Variants in MYO5B observed in about 807,000 individuals in gnomAD.
The protein encoded by MYO5B is unconventional myosin-Vb.
In MYO5B, 143 loss-of-function variants were observed where a neutral mutation model predicts 229.3. The ratio of observed to expected loss-of-function variants is 0.62; its 90% CI spans 0.54 to 0.72. MYO5B has a LOEUF of 0.72. Among genes scored for constraint, MYO5B ranks in the 30% least tolerant of loss-of-function variants. The probability of loss-of-function intolerance (pLI) is 0.00; values close to 1 mark genes in which losing one functional copy is unlikely to be tolerated. For missense variants in MYO5B, 2,321 were observed against 2,331.0 expected (o/e 1.00, Z 0.09); for synonymous variants, 918 against 885.2 (o/e 1.04, Z -0.66).
chr18:50,067,573 A>T (rs1261452738), intron 1 of MYO5B, among the ~76,000 whole-genome samples: 1 of 152,152 alleles, frequency 6.6e-6, no homozygotes, highest in East Asian at 1.9e-4. Flanking sequence ...CCCCTGATGA[A>T]TAGATTAATG....
At chr18:50,141,582 T>A (rs1032970708) in intron 1 of MYO5B, among the ~76,000 whole-genome samples, 2 of 152,216 alleles carry the variant, frequency 1.3e-5, no homozygotes, top group African/African-American at 4.8e-5. Flanking sequence ...CTGCCCTGCA[T>A]CAATCTTTCT....
intron 4 of MYO5B, among the ~76,000 whole-genome samples, chr18:50,023,174 T>C (rs780052795): frequency 2.7e-5 from 4 of 150,834 alleles, no homozygotes; most frequent in Middle Eastern, 3.5e-3. Context: ...TTTACTACCA[T>C]GACAGTAAAG....
chr18:49,982,870 C>A (rs2025830917), intron 8 of MYO5B, among the ~76,000 whole-genome samples: 2 of 152,130 alleles, frequency 1.3e-5, no homozygotes, highest in Non-Finnish European at 2.9e-5. Flanking sequence ...TTTACAAAAG[C>A]AATTTGCTTT....
chr18:49,972,801 G>A (rs181374443), intron 10 of MYO5B, among the ~76,000 whole-genome samples: 26 of 152,162 alleles, frequency 1.7e-4, no homozygotes, highest in Admixed American at 1.2e-3. Flanking sequence ...GCAAGCACTC[G>A]ATGGACCAGA....
In MYO5B at chr18:49,853,676, G is replaced by A. The variant is rs377460628; in HGVS notation, c.4023-29C>T. The A allele has an allele frequency of 1.8e-4, 281 of 1,602,826 alleles. 1 individual carries two copies. The East Asian group carries it at 2.3e-3, about 13-fold the overall frequency. ...TGCCAGGGAGAGGACAGGTGAGCAC[G>A]TGGCCCAGGCCAGGGCCCCCATCTG... On this transcript the variant is annotated intron_variant, in intron 30 of 39. Coordinates refer to ENST00000285039, the MANE Select transcript of MYO5B (RefSeq NM_001080467.3).
At chr18:50,073,638 T>G (rs2031010784) in intron 1 of MYO5B, among the ~76,000 whole-genome samples, 2 of 152,118 alleles carry the variant, frequency 1.3e-5, no homozygotes, top group South Asian at 4.1e-4. Context: ...ACTTTCCCAC[T>G]GAGATCTCAA....
At chr18:49,861,464 T>C (rs967906463) in intron 29 of MYO5B, among the ~76,000 whole-genome samples, 8 of 152,240 alleles carry the variant, frequency 5.3e-5, no homozygotes, top group African/African-American at 1.9e-4. Flanking sequence ...CTTTTTCTTA[T>C]TCATCTCATT....
chr18:49,851,139 C>T (rs2024195903), intron 31 of MYO5B: 1 of 152,180 alleles, frequency 6.6e-6, no homozygotes, highest in Non-Finnish European at 1.5e-5. Flanking sequence ...TCTTATACAC[C>T]AGATGCTTCA....
At chr18:50,145,755 A>C (rs532699389) in intron 1 of MYO5B, among the ~76,000 whole-genome samples, 8 of 152,294 alleles carry the variant, frequency 5.3e-5, no homozygotes, top group African/African-American at 1.9e-4. Flanking sequence ...CTGTCCCAGA[A>C]AAGATTTCTG....
intron 35 of MYO5B, 125 bp downstream of exon 35, chr18:49,841,240 C>T: frequency 1.1e-6 from 1 of 871,040 alleles, no homozygotes. Flanking sequence ...ATAAGGTGTG[C>T]CCACGGTCTG....
Position 49,843,388 on chromosome 18 carries a change from C to G in MYO5B, c.4464G>C (p.Leu1488Phe), listed in dbSNP as rs2276170. 3 of 1,613,922 alleles carry G rather than the reference C, an allele frequency of 1.9e-6. No homozygotes were observed. In the African/African-American group the frequency reaches 4.0e-5, roughly 22 times the overall value. The change falls in exon 34 of 40, where the codon TTG (leucine) becomes TTC (phenylalanine). Residue 1488 changes from leucine to phenylalanine, a missense_variant. Coordinates refer to ENST00000285039, the MANE Select transcript of MYO5B (RefSeq NM_001080467.3). ...CTGTGCCCGACAGCATCTGGGGCTT[C>G]AAGTCTAAGGGCAACGAGAGCAGCA... ...ALLIRNLVTD[L>F]KPQMLSGTVP...
At chr18:50,000,555 AAG>A (rs2026035140) in intron 5 of MYO5B, among the ~76,000 whole-genome samples, 1 of 152,192 alleles carries the variant, frequency 6.6e-6, no homozygotes. Context: ...AAGGGGGAAA[AAG>A]AGACAGCATT....
intron 1 of MYO5B, among the ~76,000 whole-genome samples, chr18:50,132,296 TC>T (rs1205196460): frequency 1.3e-5 from 2 of 152,232 alleles, no homozygotes; most frequent in African/African-American, 4.8e-5. Context: ...AGTGCTCAAA[TC>T]TTGGTGCAGC....
At position 49,841,403 on chromosome 18, in the gene MYO5B, G is replaced by C; in HGVS notation, c.4663C>G (p.Arg1555Gly). 1 of 1,614,210 alleles carries C rather than the reference G, an allele frequency of 6.2e-7. No homozygotes were observed. The highest frequency in any genetic ancestry group is 8.5e-7 in the Non-Finnish European group (1 of 1,180,038). ...TACTGCTTCAGACAGTGAAGAAGGC[G>C]GCAGGTGTTGGATAACCAGAATGAC... The part of the protein sequence containing the change: ...MTSFWLSNTC[R>G]LLHCLKQYSG... Residue 1555 changes from arginine (R) to glycine (G), a missense_variant, in exon 35 of 40, where the codon CGC becomes GGC. Arg to Gly is a moderately radical substitution (Grantham distance 125, BLOSUM62 -2). Coordinates refer to ENST00000285039, the MANE Select transcript of MYO5B (RefSeq NM_001080467.3).
intron 1 of MYO5B, among the ~76,000 whole-genome samples, chr18:50,056,432 T>C (rs920585309): frequency 6.6e-6 from 1 of 152,216 alleles, no homozygotes; most frequent in Non-Finnish European, 1.5e-5. Flanking sequence ...ACTGCACAGC[T>C]GTCAGAACAA....
intron 39 of MYO5B, among the ~76,000 whole-genome samples, chr18:49,828,484 T>C (rs1213247850): frequency 1.3e-5 from 2 of 152,184 alleles, no homozygotes; most frequent in South Asian, 2.1e-4. Context: ...ACAGTAATGG[T>C]TGGACATTTC....
chr18:49,973,645 T>G (rs151117720), intron 10 of MYO5B, among the ~76,000 whole-genome samples: 1 of 152,184 alleles, frequency 6.6e-6, no homozygotes, highest in Non-Finnish European at 1.5e-5. Flanking sequence ...AGGGAGACTG[T>G]GGCTCAAAAC....
intron 1 of MYO5B, among the ~76,000 whole-genome samples, chr18:50,100,803 C>T (rs539325599): frequency 9.9e-5 from 15 of 152,166 alleles, no homozygotes; most frequent in Non-Finnish European, 1.9e-4. Context: ...AAGGAACAAT[C>T]AATCAGAGCA....
At position 50,149,606 on chromosome 18, in the gene MYO5B, T is replaced by C. The variant is rs1300659144; in HGVS notation, c.27+45161A>G. Among the ~76,000 whole-genome samples, 571 of 149,330 alleles carry C rather than the reference T, an allele frequency of 3.8e-3. 5 individuals carry two copies. The highest frequency in any genetic ancestry group is 0.013 in the African/African-American group (545 of 40,926). On this transcript the variant is annotated intron_variant, in intron 1 of 39. Transcript: ENST00000285039. Reference sequence around the variant, plus strand: ...GGGAAAGGATTCCCTATTTAATAAATGGTGCTGGGAAAACTGGCTAGCCAT... The same window carrying C: ...GGGAAAGGATTCCCTATTTAATAAACGGTGCTGGGAAAACTGGCTAGCCAT...
Sources: gnomAD v4.1 joint callset for allele counts (sites outside exome capture counted in the v4.1 genomes callset) on GRCh38, gnomAD v4.1.1 for gene constraint, MANE v1.5 for transcripts, NCBI Gene and HGNC (gene_info 2026-07-23, HGNC 2026-07-21) for gene names.